The following KDM5A variants were observed in gnomAD, a reference collection of about 807,000 sequenced individuals.
The protein encoded by KDM5A is lysine-specific demethylase 5A.
Under a neutral mutation model 193.5 loss-of-function variants are expected in KDM5A, and 42 were observed. The observed-to-expected ratio is 0.22, with a 90% CI of 0.17 to 0.28. The LOEUF is 0.28. Ranked by LOEUF, KDM5A falls within the 10% of genes least tolerant of loss-of-function variation. KDM5A has a pLI of 1.00. For synonymous variants in KDM5A, 796 were observed against 718.1 expected (o/e 1.11, Z -1.73); for missense variants, 1,692 against 2,055.1 (o/e 0.82, Z 3.42).
chr12:359,800 A>C (rs1394225312), intron 5 of KDM5A, among the ~76,000 whole-genome samples: 1 of 103,102 alleles, frequency 9.7e-6, no homozygotes. Flanking sequence ...GAAGGGAAGA[A>C]GGGAGGGAGG....
intron 3 of KDM5A, among the ~76,000 whole-genome samples, chr12:383,045 G>C: frequency 6.6e-6 from 1 of 151,606 alleles, no homozygotes; most frequent in Non-Finnish European, 1.5e-5. Flanking sequence ...CACAATTTCA[G>C]CAAAAACTTG....
chr12:357,557 C>T (rs1035724687), intron 5 of KDM5A, among the ~76,000 whole-genome samples: 1 of 151,338 alleles, frequency 6.6e-6, no homozygotes, highest in African/African-American at 2.4e-5. Context: ...AGGCTGGGCA[C>T]GGTGGCTCAT....
chr12:366,150 G>A (rs745581734), intron 3 of KDM5A, 46 bp from the exon 4 acceptor site: 3 of 1,531,976 alleles, frequency 2.0e-6, no homozygotes, highest in Non-Finnish European at 2.7e-6. Context: ...GCAAATTCAA[G>A]CATCTTGACT....
intron 10 of KDM5A, among the ~76,000 whole-genome samples, chr12:335,255 A>G (rs1231152872): frequency 6.6e-6 from 1 of 152,234 alleles, no homozygotes; most frequent in Non-Finnish European, 1.5e-5. Flanking sequence ...GGCACCGGAG[A>G]AGGACTTTCA....
chr12:333,423 A>C, intron 12 of KDM5A, 64 bp downstream of exon 12: 2 of 1,591,126 alleles, frequency 1.3e-6, no homozygotes, highest in Non-Finnish European at 1.7e-6. Flanking sequence ...TGTTTCAAAA[A>C]AAAAGAAAAA....
At chr12:340,813 C>T (rs1943995310) in intron 10 of KDM5A, among the ~76,000 whole-genome samples, 1 of 149,234 alleles carries the variant, frequency 6.7e-6, no homozygotes, top group African/African-American at 2.5e-5. Context: ...TACTCAACAA[C>T]AGAAAACATC....
chr12:388,558 C>G, intron 1 of KDM5A: 1 of 370,346 alleles, frequency 2.7e-6, no homozygotes, highest in South Asian at 2.2e-5. Context: ...CCAACCAGGT[C>G]TTGAATAAAG....
rs1037213110 is a variant in KDM5A, at chr12:371,908, C to T, written c.367-5804G>A. Among the ~76,000 whole-genome samples, 3 of 152,146 alleles carry T rather than the reference C, an allele frequency of 2.0e-5. No individual in the cohort carries two copies. In the South Asian group the frequency reaches 6.2e-4, roughly 32 times the overall value. ...AGGTTTGTCAAAGATCAGACGGTTG[C>T]AGATGTATGGTATTATTTCTGAAGG... On this transcript the variant is annotated intron_variant, in intron 3 of 27. Coordinates refer to ENST00000399788, the MANE Select transcript of KDM5A (RefSeq NM_001042603.3).
intron 19 of KDM5A, among the ~76,000 whole-genome samples, chr12:316,173 A>G (rs1000277636): frequency 2.0e-5 from 3 of 152,272 alleles, no homozygotes; most frequent in Non-Finnish European, 4.4e-5. Context: ...TAATTCTGAC[A>G]GAAGTTAGAA....
intron 1 of KDM5A, among the ~76,000 whole-genome samples, chr12:387,609 G>A (rs958921928): frequency 8.5e-5 from 13 of 152,176 alleles, no homozygotes; most frequent in Non-Finnish European, 7.3e-5. Context: ...TCAACATAGT[G>A]AGAGCATTAC....
chr12:303,304 C>T (rs757392889), intron 24 of KDM5A, among the ~76,000 whole-genome samples: 1 of 152,124 alleles, frequency 6.6e-6, no homozygotes, highest in African/African-American at 2.4e-5. Flanking sequence ...AAATGCAGCA[C>T]ATATATACCA....
rs1480003497 is a variant in KDM5A at position 280,685 on chromosome 12, A to G, written c.*4771T>C. On this transcript the variant is annotated 3_prime_UTR_variant, in exon 28 of 28. Transcript: ENST00000399788. ...TGTGAGCTTTAAGAAGCCAAAGAGAAAGGGAAAGCATTTCCTTGTTTTCCC... is the reference window on the plus strand; with the variant it reads ...TGTGAGCTTTAAGAAGCCAAAGAGAGAGGGAAAGCATTTCCTTGTTTTCCC... 2 of 233,002 alleles carry G rather than the reference A, an allele frequency of 8.6e-6. No homozygotes were observed. The highest frequency in any genetic ancestry group is 4.4e-5 in the African/African-American group (2 of 45,340). The allele number at this position is 233,002 out of a possible 1,614,324, so 14.4% of individuals were successfully genotyped here.
chr12:366,867 G>A lies in KDM5A; in HGVS notation c.367-763C>T, dbSNP rs75255670. Reference sequence around the variant, plus strand: ...ATAACATTTTGGTCAAATATAGACCGCATATATGACAGTGCTCCCATAAGA... The same window carrying A: ...ATAACATTTTGGTCAAATATAGACCACATATATGACAGTGCTCCCATAAGA... On this transcript the variant is annotated intron_variant, in intron 3 of 27. Transcript: ENST00000399788. 2.4e-3 allele frequency among the ~76,000 whole-genome samples: 358 copies of A among 152,280 alleles called. 2 individuals carry two copies. Among genetic ancestry groups the A allele is most frequent in the African/African-American group, 5.8e-3 (242 of 41,554 alleles).
chr12:387,269 C>A, intron 1 of KDM5A: 1 of 359,620 alleles, frequency 2.8e-6, no homozygotes. Flanking sequence ...AAGAAATCTG[C>A]CAAAACTAAA....
chr12:306,448 A>G (rs1943507968), intron 24 of KDM5A, among the ~76,000 whole-genome samples: 1 of 152,174 alleles, frequency 6.6e-6, no homozygotes, highest in African/African-American at 2.4e-5. Context: ...TCTATTTTTT[A>G]AAAATTGTTT....
intron 10 of KDM5A, among the ~76,000 whole-genome samples, chr12:350,028 T>G (rs189688302): frequency 0.013 from 2,030 of 151,938 alleles, 51 homozygotes; most frequent in African/African-American, 0.046. Flanking sequence ...CTTGGGAGGT[T>G]GAGGCAGGGG....
At chr12:379,308 A>G (rs1471288496) in intron 3 of KDM5A, among the ~76,000 whole-genome samples, 1 of 152,208 alleles carries the variant, frequency 6.6e-6, no homozygotes, top group Non-Finnish European at 1.5e-5. Context: ...CTCTTGCTAG[A>G]ATAAAATGTC....
At chr12:323,050 C>T (rs1228246655) in intron 16 of KDM5A, 32 bp downstream of exon 16, 1 of 1,612,458 alleles carries the variant, frequency 6.2e-7, no homozygotes, top group Non-Finnish European at 8.5e-7. Context: ...ACAATCAATT[C>T]AGTATATGCA....
intron 14 of KDM5A, among the ~76,000 whole-genome samples, chr12:326,199 CAT>C (rs1454931628): frequency 6.6e-6 from 1 of 152,166 alleles, no homozygotes; most frequent in East Asian, 1.9e-4. Flanking sequence ...GTGCAATACA[CAT>C]GTTGGAAACA....
Sources: gnomAD v4.1 joint callset for allele counts (sites outside exome capture counted in the v4.1 genomes callset) on GRCh38, gnomAD v4.1.1 for gene constraint, MANE v1.5 for transcripts, NCBI Gene and HGNC (gene_info 2026-07-23, HGNC 2026-07-21) for gene names.